DIP2B: variants seen among roughly 807,000 people sequenced by gnomAD.
DIP2B encodes DIP2 acetate--CoA ligase B (putative), also known as disco-interacting protein 2 homolog B.
A neutral mutation model predicts 198.0 loss-of-function variants in DIP2B; 76 were observed. The ratio of observed to expected loss-of-function variants is 0.38; its 90% CI spans 0.32 to 0.46. The LOEUF is 0.46. Among genes scored for constraint, DIP2B ranks in the 20% least tolerant of loss-of-function variants. DIP2B has a pLI of 0.99. For missense variants in DIP2B, 1,559 were observed against 1,978.4 expected (o/e 0.79, Z 4.02); for synonymous variants, 701 against 739.1 (o/e 0.95, Z 0.84).
chr12:50,646,152 C>G (rs1938346148), intron 3 of DIP2B, among the ~76,000 whole-genome samples: 1 of 152,004 alleles, frequency 6.6e-6, no homozygotes, highest in East Asian at 1.9e-4. Flanking sequence ...GAGACGGAGT[C>G]TCACTCTGTT....
chr12:50,558,880 G>A (rs1253539240), intron 1 of DIP2B, among the ~76,000 whole-genome samples: 1 of 152,156 alleles, frequency 6.6e-6, no homozygotes, highest in Non-Finnish European at 1.5e-5. Context: ...CAAAGAGAAG[G>A]ATTCACTGAA....
At chr12:50,603,174 A>AT (rs993322372) in intron 1 of DIP2B, among the ~76,000 whole-genome samples, 5 of 151,556 alleles carry the variant, frequency 3.3e-5, no homozygotes, top group Non-Finnish European at 7.4e-5. Flanking sequence ...AAAAAAAAAA[A>AT]AATAATAATA....
intron 28 of DIP2B, among the ~76,000 whole-genome samples, chr12:50,725,161 G>A (rs1399805014): frequency 1.3e-5 from 2 of 152,148 alleles, no homozygotes; most frequent in Admixed American, 6.6e-5. Context: ...TGCTACATGT[G>A]ACTATGTACA....
Position 50,602,061 on chromosome 12 carries a change from C to T in DIP2B, c.101-23915C>T, listed in dbSNP as rs146354941. ...GGAACTCTTGGGGTTTTGGAAGTCC[C>T]GCTTGTCAGCTTTGGTCAGGTTCAT... On this transcript the variant is annotated intron_variant, in intron 1 of 37. Transcript: ENST00000301180. Among the ~76,000 whole-genome samples the T allele has an allele frequency of 4.6e-5, 7 of 152,278 alleles. No homozygotes were observed. The East Asian group carries it at 9.6e-4, about 21-fold the overall frequency.
At chr12:50,618,964 T>C (rs1012203739) in intron 1 of DIP2B, among the ~76,000 whole-genome samples, 1 of 152,170 alleles carries the variant, frequency 6.6e-6, no homozygotes, top group Non-Finnish European at 1.5e-5. Flanking sequence ...ACTATTTTAT[T>C]TGTCTTTGTT....
At chr12:50,658,595 AG>A (rs1242365388) in intron 3 of DIP2B, among the ~76,000 whole-genome samples, 2 of 152,242 alleles carry the variant, frequency 1.3e-5, no homozygotes, top group Non-Finnish European at 2.9e-5. Context: ...ACATGTGCTA[AG>A]GTGAAAATAC....
intron 1 of DIP2B, among the ~76,000 whole-genome samples, chr12:50,600,286 G>T (rs1269343447): frequency 6.6e-6 from 1 of 152,160 alleles, no homozygotes; most frequent in Non-Finnish European, 1.5e-5. Context: ...GCTAGTGTTG[G>T]ATGAGGACAA....
chr12:50,513,038 C>T (rs1308132968), intron 1 of DIP2B, among the ~76,000 whole-genome samples: 1 of 152,040 alleles, frequency 6.6e-6, no homozygotes, highest in Non-Finnish European at 1.5e-5. Context: ...TGACACCCTC[C>T]TTGGAGTTGT....
At position 50,739,564 on chromosome 12, in the gene DIP2B, C is replaced by A; in HGVS notation, c.4332C>A (p.Thr1444=). 1 of 1,613,940 alleles carries A rather than the reference C, an allele frequency of 6.2e-7. No individual in the cohort carries two copies. Among genetic ancestry groups the A allele is most frequent in the Non-Finnish European group, 8.5e-7 (1 of 1,179,838 alleles). ...RTGYLGFVRR[T]ELTAATGERH... The stretch of plus-strand genomic sequence containing the variant: ...GATACCTTGGTTTTGTCCGCCGGAC[C>A]GAGCTCACAGCGGCCACTGGAGGTA... The change falls in exon 36 of 38, where the codon ACC becomes ACA. Residue 1444 remains threonine (T), a synonymous_variant. Coordinates refer to ENST00000301180, the MANE Select transcript of DIP2B (RefSeq NM_173602.3).
chr12:50,523,345 GA>G (rs574449969), intron 1 of DIP2B, among the ~76,000 whole-genome samples: 215 of 149,456 alleles, frequency 1.4e-3, no homozygotes, highest in African/African-American at 3.6e-3. Flanking sequence ...GTGATGACAG[GA>G]AAAAAAAAAT....
At chr12:50,682,192 C>T (rs1372637370) in intron 9 of DIP2B, among the ~76,000 whole-genome samples, 9 of 152,120 alleles carry the variant, frequency 5.9e-5, no homozygotes, top group Non-Finnish European at 8.8e-5. Context: ...AGAGGTTTCA[C>T]GGTTTATGTT....
Position 50,645,840 on chromosome 12 carries a change from G to A in DIP2B, c.301+4988G>A, listed in dbSNP as rs931307389. On this transcript the variant is annotated intron_variant, in intron 3 of 37. Coordinates refer to ENST00000301180, the MANE Select transcript of DIP2B (RefSeq NM_173602.3). ...TTTTATAAATAATATGTTTATAATT[G>A]TAATATTTATAGCATTATTATGTTA... Among the ~76,000 whole-genome samples the A allele has an allele frequency of 4.9e-4, 75 of 151,874 alleles. 1 individual carries two copies. Among genetic ancestry groups the A allele is most frequent in the Non-Finnish European group, 5.9e-5 (4 of 67,988 alleles).
chr12:50,549,823 G>A (rs984145917), intron 1 of DIP2B, among the ~76,000 whole-genome samples: 1 of 151,364 alleles, frequency 6.6e-6, no homozygotes, highest in African/African-American at 2.4e-5. Context: ...GATAGCTTAA[G>A]TCTGTGTGCA....
Position 50,671,174 on chromosome 12 carries a change from A to G in DIP2B, c.428-12A>G, listed in dbSNP as rs199779869. 4 of 1,611,806 alleles carry G rather than the reference A, an allele frequency of 2.5e-6. No individual in the cohort carries two copies. In the East Asian group the frequency reaches 6.7e-5, roughly 27 times the overall value. On this transcript the variant is annotated splice_polypyrimidine_tract_variant and intron_variant, in intron 4 of 37. Coordinates refer to ENST00000301180, the MANE Select transcript of DIP2B (RefSeq NM_173602.3). ...TAGGATCGAGAACTTCTTTTTTTCTAATTCCACACAGACACATCTTCGGCC... is the reference window on the plus strand; with the variant it reads ...TAGGATCGAGAACTTCTTTTTTTCTGATTCCACACAGACACATCTTCGGCC...
chr12:50,677,650 A>AT (rs1938971287), intron 7 of DIP2B, among the ~76,000 whole-genome samples: 1 of 151,860 alleles, frequency 6.6e-6, no homozygotes, highest in South Asian at 2.1e-4. Flanking sequence ...TCTTTTTTTG[A>AT]TTTTTATTAT....
chr12:50,575,711 G>C (rs1034830297), intron 1 of DIP2B, among the ~76,000 whole-genome samples: 3 of 151,898 alleles, frequency 2.0e-5, no homozygotes, highest in African/African-American at 4.8e-5. Context: ...CCTAGGTCAG[G>C]GGTCAGCAAA....
intron 1 of DIP2B, among the ~76,000 whole-genome samples, chr12:50,521,534 C>A (rs1287808102): frequency 7.2e-6 from 1 of 137,960 alleles, no homozygotes; most frequent in Non-Finnish European, 1.5e-5. Flanking sequence ...CACTCTGTTG[C>A]CAGGCTAGAG....
intron 1 of DIP2B, among the ~76,000 whole-genome samples, chr12:50,552,795 C>T (rs767875529): frequency 8.6e-5 from 13 of 151,682 alleles, no homozygotes; most frequent in Non-Finnish European, 1.3e-4. Context: ...CTTTTTTAAA[C>T]GTTTTTTAAA....
At chr12:50,521,671 T>C (rs1346678475) in intron 1 of DIP2B, among the ~76,000 whole-genome samples, 2 of 151,856 alleles carry the variant, frequency 1.3e-5, no homozygotes, top group African/African-American at 4.8e-5. Flanking sequence ...AATTTTTGTA[T>C]TTTCAGTAGA....
Sources: gnomAD v4.1 joint callset for allele counts (sites outside exome capture counted in the v4.1 genomes callset) on GRCh38, gnomAD v4.1.1 for gene constraint, MANE v1.5 for transcripts, NCBI Gene and HGNC (gene_info 2026-07-23, HGNC 2026-07-21) for gene names.